Variants in TBC1D31 observed in about 807,000 individuals in gnomAD.
The protein encoded by TBC1D31 is TBC1 domain family member 31.
In TBC1D31, 99 loss-of-function variants were observed where a neutral mutation model predicts 132.9. The observed-to-expected ratio is 0.74, with a 90% CI of 0.63 to 0.88. TBC1D31 has a LOEUF of 0.88. TBC1D31 is among the 40% of genes least tolerant of loss of function. The pLI, the probability that TBC1D31 is intolerant of heterozygous loss-of-function variation, is 0.00. For missense variants in TBC1D31, 1,134 were observed against 1,256.6 expected, an observed-to-expected ratio of 0.90 and a Z score of 1.48; for synonymous variants, 385 against 419.4, an observed-to-expected ratio of 0.92 and a Z score of 1.00.
At chr8:123,073,437 T>TA (rs1814128291) in intron 1 of TBC1D31, 1 of 456,038 alleles carries the variant, frequency 2.2e-6, no homozygotes, top group Non-Finnish European at 4.4e-6. Flanking sequence ...GGCGTGTATG[T>TA]AGGGGCTGGG....
At chr8:123,097,684 G>T in intron 6 of TBC1D31, 2 of 344,744 alleles carry the variant, frequency 5.8e-6, no homozygotes, top group Non-Finnish European at 1.0e-5. Context: ...TGTACTTTAT[G>T]GTTTGCAGTG....
At chr8:123,116,935 G>A (rs533832799) in intron 10 of TBC1D31, among the ~76,000 whole-genome samples, 2 of 152,276 alleles carry the variant, frequency 1.3e-5, no homozygotes, top group South Asian at 2.1e-4. Flanking sequence ...GAAGGAATTA[G>A]AGATATAGAA....
chr8:123,135,045 G>T (rs531012904), intron 17 of TBC1D31, among the ~76,000 whole-genome samples: 17 of 152,204 alleles, frequency 1.1e-4, no homozygotes, highest in African/African-American at 4.1e-4. Context: ...GACTACAGAC[G>T]TGCGCCACCA....
intron 1 of TBC1D31, 32 bp downstream of exon 1, chr8:123,072,878 G>C: frequency 6.5e-7 from 1 of 1,546,362 alleles, no homozygotes; most frequent in Non-Finnish European, 8.7e-7. Flanking sequence ...CGCGGGCTGT[G>C]GAGGGGATGG....
intron 8 of TBC1D31, among the ~76,000 whole-genome samples, chr8:123,107,970 A>G (rs1330091767): frequency 6.6e-6 from 1 of 152,240 alleles, no homozygotes; most frequent in Non-Finnish European, 1.5e-5. Context: ...CTTCAATGGC[A>G]GCAGGTATCT....
rs376753134 is a variant in TBC1D31, at chr8:123,126,199, A to G, written c.1704+10A>G. 1.2e-5 allele frequency: 19 copies of G among 1,600,372 alleles called. No individual in the cohort carries two copies. In the African/African-American group the frequency reaches 1.7e-4, roughly 15 times the overall value. On this transcript the variant is annotated intron_variant, in intron 12 of 21. Transcript: ENST00000287380. ...TGATATAACCTCCCAGGTAAGAAGC[A>G]TAAGGTTTTTAGAATAACATGCCTT...
chr8:123,149,040 T>C (rs1187009320), intron 20 of TBC1D31, among the ~76,000 whole-genome samples: 1 of 151,920 alleles, frequency 6.6e-6, no homozygotes, highest in African/African-American at 2.4e-5. Flanking sequence ...AGAGCAAGAT[T>C]CCGTCTAAAA....
the TBC1D31 span, among the ~76,000 whole-genome samples, chr8:123,159,988 T>C: frequency 2.6e-5 from 4 of 152,216 alleles, no homozygotes; most frequent in Non-Finnish European, 5.9e-5. Flanking sequence ...ATTATTAGCA[T>C]TGGTCGTTGG....
the TBC1D31 span, among the ~76,000 whole-genome samples, chr8:123,157,719 G>GCGCACACACACA: frequency 3.6e-3 from 535 of 148,020 alleles, 2 homozygotes; most frequent in African/African-American, 0.011. Context: ...GCGCGCGCGC[G>GCGCACACACACA]CACACACACA....
intron 10 of TBC1D31, among the ~76,000 whole-genome samples, chr8:123,115,657 G>A (rs1479804048): frequency 6.6e-6 from 1 of 152,178 alleles, no homozygotes; most frequent in African/African-American, 2.4e-5. Flanking sequence ...GCTCTGGGGA[G>A]AATCCTTTTC....
intron 6 of TBC1D31, among the ~76,000 whole-genome samples, chr8:123,098,900 T>A (rs1301652392): frequency 6.6e-6 from 1 of 152,168 alleles, no homozygotes; most frequent in Non-Finnish European, 1.5e-5. Flanking sequence ...GGGGCTTTGT[T>A]TCCTACAAGC....
chr8:123,073,088 A>G (rs1936990692), intron 1 of TBC1D31, among the ~76,000 whole-genome samples: 1 of 152,190 alleles, frequency 6.6e-6, no homozygotes, highest in Non-Finnish European at 1.5e-5. Context: ...GGTGGTTCTC[A>G]GACCTGGGAA....
chr8:123,155,681 C>T (rs1563767915), downstream of TBC1D31, among the ~76,000 whole-genome samples: 4 of 152,298 alleles, frequency 2.6e-5, no homozygotes, highest in South Asian at 8.3e-4. This position sits in a 1 kb window ranked among gnomAD's most constrained non-coding sequence, Gnocchi z 4.1. Flanking sequence ...AAGGGGAGGC[C>T]AGGTCCCCCT....
intron 17 of TBC1D31, among the ~76,000 whole-genome samples, chr8:123,138,339 A>G (rs529735380): frequency 6.6e-6 from 1 of 152,176 alleles, no homozygotes; most frequent in Non-Finnish European, 1.5e-5. Context: ...GCATCTTCAC[A>G]TATATATCTT....
At chr8:123,163,364 C>CAATTT in the TBC1D31 span, among the ~76,000 whole-genome samples, 1 of 110,078 alleles carries the variant, frequency 9.1e-6, no homozygotes, top group East Asian at 2.8e-4. Context: ...TCACTTTAAC[C>CAATTT]TTTTTTTTTT....
intron 12 of TBC1D31, 31 bp downstream of exon 12, chr8:123,126,220 GC>G: frequency 6.3e-7 from 1 of 1,584,122 alleles, no homozygotes; most frequent in African/African-American, 1.4e-5. Flanking sequence ...AGAATAACAT[GC>G]CTTATTTTGT....
At chr8:123,091,726 A>G (rs1203533204) in intron 4 of TBC1D31, among the ~76,000 whole-genome samples, 1 of 152,244 alleles carries the variant, frequency 6.6e-6, no homozygotes, top group Non-Finnish European at 1.5e-5. Context: ...ACAAAATTAT[A>G]TTCAAGGCCA....
At chr8:123,149,090 C>G (rs546022952) in intron 20 of TBC1D31, among the ~76,000 whole-genome samples, 1 of 152,170 alleles carries the variant, frequency 6.6e-6, no homozygotes, top group East Asian at 1.9e-4. Flanking sequence ...GTTCAATCTG[C>G]TTTTTCTTTT....
downstream of TBC1D31, among the ~76,000 whole-genome samples, chr8:123,152,452 C>T (rs1011420921): frequency 1.8e-4 from 27 of 152,174 alleles, no homozygotes; most frequent in African/African-American, 6.3e-4. Flanking sequence ...CTGCCTGCTT[C>T]TTCTGGCAGC....
Sources: gnomAD v4.1 joint callset for allele counts (sites outside exome capture counted in the v4.1 genomes callset) on GRCh38, gnomAD v4.1.1 for gene constraint, Gnocchi (gnomAD v3.1) non-coding constraint, MANE v1.5 for transcripts, NCBI Gene and HGNC (gene_info 2026-07-23, HGNC 2026-07-21) for gene names.